Variants in TYW1B observed in about 807,000 individuals in gnomAD.
The protein encoded by TYW1B is S-adenosyl-L-methionine-dependent tRNA 4-demethylwyosine synthase TYW1B.
TYW1B carries 73 observed loss-of-function variants against 86.9 expected under a neutral mutation model. The ratio of observed to expected loss-of-function variants is 0.84; its 90% CI spans 0.70 to 1.02. The LOEUF (loss-of-function observed/expected upper bound fraction) is 1.02, where lower values mean the gene tolerates loss of function less well. TYW1B is among the 50% of genes least tolerant of loss of function. The pLI is 0.00. For synonymous variants in TYW1B, 248 were observed against 292.8 expected, an observed-to-expected ratio of 0.85 and a Z score of 1.56; for missense variants, 637 against 827.4, an observed-to-expected ratio of 0.77 and a Z score of 2.82.
Position 72,807,329 on chromosome 7 carries a change from A to G in TYW1B, c.460T>C (p.Trp154Arg), listed in dbSNP as rs1554477003. The G allele has an allele frequency of 6.2e-7, 1 of 1,612,914 alleles. No individual in the cohort carries two copies. The highest frequency in any genetic ancestry group is 1.1e-5 in the South Asian group (1 of 91,076). ...KVGKNVDKWL[W>R]MLGVHRVMSR... ...ATCACACGATGCACGCCAAGCATCC[A>G]GAGCCACTTGTCAACATTTTTGCCA... is the stretch of plus-strand genomic sequence containing the variant. Residue 154 changes from tryptophan (W) to arginine (R), a missense_variant, in exon 5 of 14, where the codon TGG (tryptophan) becomes CGG (arginine). Trp to Arg is a moderately radical substitution (Grantham distance 101, BLOSUM62 -3). Transcript: ENST00000620995.
chr7:72,756,336 G>A (rs138227750), intron 7 of TYW1B, among the ~76,000 whole-genome samples: 3,126 of 151,928 alleles, frequency 0.021, 132 homozygotes, highest in African/African-American at 0.072. Context: ...CCGGGTTCAA[G>A]CGATTCTCCC....
intron 11 of TYW1B, among the ~76,000 whole-genome samples, chr7:72,654,382 A>G (rs1295793421): frequency 1.3e-5 from 2 of 152,206 alleles, no homozygotes; most frequent in African/African-American, 2.4e-5. Flanking sequence ...GGGACATTCT[A>G]CAAAATACCT....
chr7:72,743,715 A>G (rs6947199), intron 8 of TYW1B, among the ~76,000 whole-genome samples: 119,057 of 151,526 alleles, frequency 0.79, 47,008 homozygotes, highest in Non-Finnish European at 0.8. Flanking sequence ...GTGGTGATGC[A>G]CACCTGTAGT....
At chr7:72,699,407 G>T (rs1814403016) in intron 10 of TYW1B, among the ~76,000 whole-genome samples, 2 of 152,176 alleles carry the variant, frequency 1.3e-5, no homozygotes, top group African/African-American at 4.8e-5. Context: ...GACACAGTCA[G>T]ATCAGTGCTG....
intron 11 of TYW1B, among the ~76,000 whole-genome samples, chr7:72,651,655 C>G (rs61523350): frequency 0.023 from 2,936 of 127,800 alleles, no homozygotes; most frequent in African/African-American, 0.079. Flanking sequence ...ATAAATGTGT[C>G]TACATGTATA....
At chr7:72,638,751 G>A (rs1286045358) in intron 11 of TYW1B, among the ~76,000 whole-genome samples, 2 of 152,216 alleles carry the variant, frequency 1.3e-5, no homozygotes, top group African/African-American at 2.4e-5. Context: ...GATTATCTAT[G>A]TAGAAAATCC....
chr7:72,771,865 T>A (rs1477567096), intron 7 of TYW1B, among the ~76,000 whole-genome samples: 8 of 151,364 alleles, frequency 5.3e-5, no homozygotes, highest in East Asian at 1.9e-4. Flanking sequence ...TTTTTTTTTT[T>A]AAAGACAGTC....
At chr7:72,782,597 C>T (rs1349999459) in intron 6 of TYW1B, among the ~76,000 whole-genome samples, 1 of 152,108 alleles carries the variant, frequency 6.6e-6, no homozygotes, top group African/African-American at 2.4e-5. Context: ...GTTGACTAGG[C>T]CAGTTGTGGT....
intron 7 of TYW1B, among the ~76,000 whole-genome samples, chr7:72,745,214 A>G (rs1409030454): frequency 6.6e-6 from 1 of 152,050 alleles, no homozygotes; most frequent in Non-Finnish European, 1.5e-5. Flanking sequence ...TGTAGAGATG[A>G]GGTCTCACTA....
At position 72,575,814 on chromosome 7, in the gene TYW1B, C is replaced by T; in HGVS notation, c.1786-95G>A. The T allele has an allele frequency of 9.1e-6, 14 of 1,533,892 alleles. No individual in the cohort carries two copies. In the South Asian group the frequency reaches 1.7e-4, roughly 18 times the overall value. On this transcript the variant is annotated intron_variant, in intron 13 of 13. Coordinates refer to ENST00000620995, the MANE Select transcript of TYW1B (RefSeq NM_001145440.3). ...AAATCATGAACAAGTCTGATCTTTT[C>T]TCCCTATCACGCCAAGAAAACAAAA...
intron 7 of TYW1B, among the ~76,000 whole-genome samples, chr7:72,773,478 T>C (rs553495738): frequency 3.4e-4 from 52 of 152,298 alleles, no homozygotes; most frequent in South Asian, 2.7e-3. Context: ...TTCCAGGCCA[T>C]GTAGCAAAGA....
chr7:72,705,624 A>G (rs191754143), intron 10 of TYW1B, among the ~76,000 whole-genome samples: 4 of 152,234 alleles, frequency 2.6e-5, no homozygotes, highest in Non-Finnish European at 5.9e-5. Flanking sequence ...ATTATGATAC[A>G]TAACAGTTAA....
chr7:72,639,955 G>C (rs1554441294), intron 11 of TYW1B, among the ~76,000 whole-genome samples: 3 of 152,038 alleles, frequency 2.0e-5, no homozygotes, highest in Non-Finnish European at 1.5e-5. Flanking sequence ...TAAAAGTTGG[G>C]ATGGAGTTAA....
At chr7:72,744,917 A>G (rs1787369022) in intron 7 of TYW1B, among the ~76,000 whole-genome samples, 1 of 152,264 alleles carries the variant, frequency 6.6e-6, no homozygotes, top group African/African-American at 2.4e-5. Context: ...AATGCTAGGA[A>G]ACAGATAAAA....
intron 8 of TYW1B, among the ~76,000 whole-genome samples, chr7:72,738,087 TC>T (rs1247380846): frequency 1.7e-5 from 1 of 58,458 alleles, no homozygotes; most frequent in Admixed American, 1.9e-4. Context: ...TTTCTTTCTT[TC>T]TTTTTTTTTT....
chr7:72,575,793 C>G, intron 13 of TYW1B, 74 bp from the exon 14 acceptor site: 1 of 1,577,576 alleles, frequency 6.3e-7, no homozygotes, highest in African/African-American at 1.4e-5. Context: ...TTTTAAAAAT[C>G]ATGAACAAGT....
At chr7:72,797,342 A>C (rs1309569651) in intron 6 of TYW1B, among the ~76,000 whole-genome samples, 2 of 151,998 alleles carry the variant, frequency 1.3e-5, no homozygotes, top group African/African-American at 4.8e-5. Context: ...ACCAATAAAA[A>C]CCCTGGACAC....
intron 13 of TYW1B, among the ~76,000 whole-genome samples, chr7:72,594,912 G>A (rs1203155193): frequency 6.6e-6 from 1 of 152,076 alleles, no homozygotes; most frequent in Non-Finnish European, 1.5e-5. Flanking sequence ...TGCAGGAAAG[G>A]CATCTGACAA....
At chr7:72,754,742 T>C (rs1787558759) in intron 7 of TYW1B, among the ~76,000 whole-genome samples, 1 of 152,114 alleles carries the variant, frequency 6.6e-6, no homozygotes, top group Admixed American at 6.6e-5. Flanking sequence ...CCAGCCACTT[T>C]ACCTCTGTTA....
Sources: gnomAD v4.1 joint callset for allele counts (sites outside exome capture counted in the v4.1 genomes callset) on GRCh38, gnomAD v4.1.1 for gene constraint, MANE v1.5 for transcripts, NCBI Gene and HGNC (gene_info 2026-07-23, HGNC 2026-07-21) for gene names.